USP28: variants seen among roughly 807,000 people sequenced by gnomAD.
USP28 encodes the protein ubiquitin specific peptidase 28, also known as ubiquitin carboxyl-terminal hydrolase 28.
Under a neutral mutation model 145.0 loss-of-function variants are expected in USP28, and 113 were observed. That is an observed-to-expected ratio of 0.78 (90% CI 0.67 to 0.91). The LOEUF (loss-of-function observed/expected upper bound fraction) is 0.91, where lower values mean the gene tolerates loss of function less well. USP28 is among the 40% of genes least tolerant of loss of function. The pLI, the probability that USP28 is intolerant of heterozygous loss-of-function variation, is 0.00. For missense variants in USP28, 1,201 were observed against 1,289.6 expected (o/e 0.93, Z 1.05); for synonymous variants, 447 against 450.9 (o/e 0.99, Z 0.11).
intron 1 of USP28, among the ~76,000 whole-genome samples, chr11:113,864,818 T>C (rs1948103135): frequency 6.6e-6 from 1 of 152,206 alleles, no homozygotes; most frequent in South Asian, 2.1e-4. Context: ...ACATACCTCA[T>C]GGCCCAGTCA....
At chr11:113,875,390 T>C in intron 1 of USP28, 55 bp downstream of exon 1, 1 of 1,171,432 alleles carries the variant, frequency 8.5e-7, no homozygotes, top group South Asian at 3.3e-5. Context: ...CCCCGCACGC[T>C]CCCCTCAGGG....
At position 113,812,258 on chromosome 11, in the gene USP28, C is replaced by T. The variant is rs761028902; in HGVS notation, c.1972+18G>A. On this transcript the variant is annotated intron_variant, in intron 16 of 24. Coordinates refer to ENST00000003302, the Ensembl canonical transcript of USP28. ...ACAGATTTTCCCCAATCTATAGATTCTGCCAAGATACTTTTACCTGCATTG... is the reference window on the plus strand; with the variant it reads ...ACAGATTTTCCCCAATCTATAGATTTTGCCAAGATACTTTTACCTGCATTG... The T allele has an allele frequency of 6.2e-7, 1 of 1,601,268 alleles. No homozygotes were observed. The highest frequency in any genetic ancestry group is 1.7e-5 in the Admixed American group (1 of 59,862).
chr11:113,802,841 AG>A (rs1214204350), intron 23 of USP28, among the ~76,000 whole-genome samples: 1 of 152,216 alleles, frequency 6.6e-6, no homozygotes, highest in Non-Finnish European at 1.5e-5. Context: ...GAGTGAGAAA[AG>A]GATCTGAGCT....
chr11:113,851,949 G>A (rs1432313706), intron 3 of USP28, among the ~76,000 whole-genome samples: 1 of 152,096 alleles, frequency 6.6e-6, no homozygotes, highest in Non-Finnish European at 1.5e-5. Context: ...GCTAAATGCA[G>A]GCAGGGCTTC....
intron 21 of USP28, among the ~76,000 whole-genome samples, chr11:113,804,246 A>G (rs1030557626): frequency 2.0e-5 from 3 of 152,224 alleles, no homozygotes; most frequent in African/African-American, 7.2e-5. Context: ...GGACATTTCT[A>G]GTCATACAGA....
intron 15 of USP28, among the ~76,000 whole-genome samples, chr11:113,813,148 C>T (rs752446018): frequency 9.2e-5 from 14 of 152,204 alleles, no homozygotes; most frequent in Non-Finnish European, 2.1e-4. Context: ...TTTACACTTA[C>T]TTTGACCTAT....
At chr11:113,853,172 C>A (rs1946663019) in intron 2 of USP28, among the ~76,000 whole-genome samples, 1 of 151,812 alleles carries the variant, frequency 6.6e-6, no homozygotes, top group Non-Finnish European at 1.5e-5. Context: ...GCGTGAGTCC[C>A]AGCTACTAGG....
intron 4 of USP28, among the ~76,000 whole-genome samples, chr11:113,840,960 A>T (rs1362451918): frequency 6.6e-6 from 1 of 152,230 alleles, no homozygotes; most frequent in Non-Finnish European, 1.5e-5. Flanking sequence ...ATCCCTCCAT[A>T]ACAGACATTA....
At chr11:113,831,968 T>C (rs776809287) in exon 8 of USP28, 8 of 1,614,004 alleles carry the variant, frequency 5.0e-6, no homozygotes, top group South Asian at 3.3e-5. Context: ...ATCCAGGAGC[T>C]TGTGTGTGAA....
chr11:113,835,943 G>A (rs575333548), intron 5 of USP28, among the ~76,000 whole-genome samples: 3 of 152,266 alleles, frequency 2.0e-5, no homozygotes, highest in South Asian at 2.1e-4. Context: ...AGCCGGGCAT[G>A]GTGGCATGCC....
exon 25 of USP28, chr11:113,798,884 A>G (rs561552626): frequency 8.6e-4 from 135 of 157,504 alleles, no homozygotes; most frequent in African/African-American, 3.1e-3. Flanking sequence ...CTCATGAATC[A>G]TTCTTCTATT....
intron 11 of USP28, among the ~76,000 whole-genome samples, chr11:113,823,951 A>G (rs1288760442): frequency 6.6e-6 from 1 of 152,252 alleles, no homozygotes; most frequent in East Asian, 1.9e-4. Flanking sequence ...TAAGAAAAAC[A>G]AATGAAAGGC....
intron 1 of USP28, among the ~76,000 whole-genome samples, chr11:113,863,004 C>G (rs1241313820): frequency 6.6e-6 from 1 of 152,196 alleles, no homozygotes; most frequent in Non-Finnish European, 1.5e-5. Flanking sequence ...ACTTTCACCA[C>G]TGCTATTCAA....
Position 113,829,288 on chromosome 11 carries a change from TA to T in USP28, c.967del (p.Tyr323IlefsTer4), listed in dbSNP as rs1334058115. 6.2e-7 allele frequency: 1 copy of T among 1,614,058 alleles called. No individual in the cohort carries two copies. Among genetic ancestry groups the T allele is most frequent in the Non-Finnish European group, 8.5e-7 (1 of 1,180,046 alleles). ...TTCCAAACACTCGTCTAAGTTGCGA[TA>T]ACCGTTTACCTGAAGAGGATACTGG... On this transcript the variant is annotated frameshift_variant, in exon 10 of 25. Coordinates refer to ENST00000003302, the Ensembl canonical transcript of USP28. LOFTEE classifies it high-confidence loss of function.
intron 2 of USP28, among the ~76,000 whole-genome samples, chr11:113,853,739 G>A (rs1946732449): frequency 6.6e-6 from 1 of 151,974 alleles, no homozygotes; most frequent in Non-Finnish European, 1.5e-5. Context: ...GCCAGGTGTG[G>A]TGGCGCATGC....
At chr11:113,829,495 G>T in intron 9 of USP28, 150 bp from the exon 10 acceptor site, 1 of 875,852 alleles carries the variant, frequency 1.1e-6, no homozygotes, top group East Asian at 2.7e-5. Context: ...CCTCTAGTGA[G>T]CCAGTCAATC....
intron 12 of USP28, among the ~76,000 whole-genome samples, chr11:113,819,671 T>C (rs577613407): frequency 1.3e-5 from 2 of 152,362 alleles, no homozygotes; most frequent in Non-Finnish European, 2.9e-5. Flanking sequence ...ATCAAGGGAA[T>C]AATTAGAATT....
exon 20 of USP28, chr11:113,804,926 C>T: frequency 6.2e-7 from 1 of 1,614,208 alleles, no homozygotes; most frequent in East Asian, 2.2e-5. Context: ...CGTTCTACTA[C>T]CCTTTTGGGT....
At chr11:113,874,591 C>A (rs1399774920) in intron 1 of USP28, 7 of 1,288,738 alleles carry the variant, frequency 5.4e-6, no homozygotes, top group South Asian at 1.2e-5. Context: ...GAACAACTGG[C>A]ACAGATTTCC....
Sources: allele counts gnomAD v4.1 joint callset (sites outside exome capture counted in the v4.1 genomes callset), GRCh38; gene constraint gnomAD v4.1.1; transcripts MANE v1.5; gene names NCBI Gene and HGNC (gene_info 2026-07-23, HGNC 2026-07-21).